The following CDH23 variants were observed in gnomAD, a reference collection of about 807,000 sequenced individuals.
CDH23 encodes cadherin-23.
CDH23 carries 189 observed loss-of-function variants against 317.1 expected under a neutral mutation model. That is an observed-to-expected ratio of 0.60 (90% CI 0.53 to 0.67). The LOEUF (loss-of-function observed/expected upper bound fraction) is 0.67, where lower values mean the gene tolerates loss of function less well. Among genes scored for constraint, CDH23 ranks in the 30% least tolerant of loss-of-function variants. The pLI, the probability that CDH23 is intolerant of heterozygous loss-of-function variation, is 0.00. For missense variants in CDH23, 4,401 were observed against 4,592.4 expected (o/e 0.96, Z 1.20); for synonymous variants, 1,839 against 1,876.8 (o/e 0.98, Z 0.52).
At chr10:71,731,279 A>G (rs1379596385) in intron 31 of CDH23, among the ~76,000 whole-genome samples, 2 of 152,202 alleles carry the variant, frequency 1.3e-5, no homozygotes, top group Non-Finnish European at 2.9e-5. Flanking sequence ...TGAGCTGCTC[A>G]TCCTTCATGT....
At chr10:71,759,875 A>ACG (rs1840265266) in intron 38 of CDH23, among the ~76,000 whole-genome samples, 1 of 67,976 alleles carries the variant, frequency 1.5e-5, no homozygotes, top group Non-Finnish European at 3.8e-5. Flanking sequence ...ATATATATAC[A>ACG]CACACACACA....
At chr10:71,480,248 C>T (rs1221548637) in intron 3 of CDH23, among the ~76,000 whole-genome samples, 2 of 152,216 alleles carry the variant, frequency 1.3e-5, no homozygotes, top group African/African-American at 2.4e-5. Flanking sequence ...CGGGCAGGAC[C>T]TGTGGTGTTC....
chr10:71,405,268 C>T (rs1026315058), intron 1 of CDH23, among the ~76,000 whole-genome samples: 1 of 152,098 alleles, frequency 6.6e-6, no homozygotes, highest in Non-Finnish European at 1.5e-5. Context: ...TCCGAACTGC[C>T]CCTGGCCCGG....
At chr10:71,417,071 T>A (rs183583280) in intron 1 of CDH23, among the ~76,000 whole-genome samples, 2 of 151,816 alleles carry the variant, frequency 1.3e-5, no homozygotes, top group Admixed American at 6.6e-5. Context: ...TTTCTTCTTT[T>A]CTTTTCTTTT....
chr10:71,730,474 T>C lies in CDH23; in HGVS notation c.3585T>C (p.Ile1195=), dbSNP rs749563585. The part of the protein sequence containing the change: ...LGPMRSSVRV[I]VYVEDINDEA... Reference sequence around the variant, plus strand: ...CCCTGGCCCGGCTCCCACAGGTGATTGTGTACGTGGAGGACATCAACGATG... The same window carrying C: ...CCCTGGCCCGGCTCCCACAGGTGATCGTGTACGTGGAGGACATCAACGATG... Residue 1195 remains isoleucine, a synonymous_variant, in exon 31 of 70, where the codon ATT becomes ATC. Coordinates refer to ENST00000224721, the MANE Select transcript of CDH23 (RefSeq NM_022124.6). 2 of 1,613,624 alleles carry C rather than the reference T, an allele frequency of 1.2e-6. No individual in the cohort carries two copies. The highest frequency in any genetic ancestry group is 2.2e-5 in the South Asian group (2 of 91,060).
chr10:71,785,711 C>T lies in CDH23; in HGVS notation c.5793C>T (p.Asn1931=), dbSNP rs2132940534. ...AGCTGACCATTTCTGTGAAGGACAA[C>T]CCGGAGAATCCACGCATAGCCAGGA... is the stretch of plus-strand genomic sequence containing the variant. ...EYKLTISVKD[N]PENPRIARRD... is the part of the protein sequence containing the mutation. The change falls in exon 44 of 70, where the codon AAC becomes AAT. Residue 1931 remains asparagine (N), a synonymous_variant. Transcript: ENST00000224721. The T allele has an allele frequency of 6.2e-7, 1 of 1,607,064 alleles. No individual in the cohort carries two copies. Among genetic ancestry groups the T allele is most frequent in the Non-Finnish European group, 8.5e-7 (1 of 1,176,694 alleles).
At chr10:71,753,781 G>A (rs1204293642) in intron 38 of CDH23, 2 of 456,324 alleles carry the variant, frequency 4.4e-6, no homozygotes, top group African/African-American at 4.0e-5. Flanking sequence ...AGATGGTGGG[G>A]GAGGGGCACA....
rs752874104 is a variant in CDH23, at chr10:71,798,485, G to A, written c.6961G>A (p.Val2321Met). 33 of 1,613,872 alleles carry A rather than the reference G, an allele frequency of 2.0e-5. No individual in the cohort carries two copies. Among genetic ancestry groups the A allele is most frequent in the Admixed American group, 8.3e-5 (5 of 60,004 alleles). ...GACCACACTCATTGCTGTGGCAGCC[G>A]TGGACCCTGACAAGGGCCTTAATGG... The part of the protein sequence containing the change: ...PGTTLIAVAA[V>M]DPDKGLNGLV... The change falls in exon 50 of 70, where the codon GTG becomes ATG. Residue 2321 changes from valine to methionine, a missense_variant. By Grantham distance (21) the Val-to-Met change is conservative (BLOSUM62 1). Coordinates refer to ENST00000224721, the MANE Select transcript of CDH23 (RefSeq NM_022124.6).
rs556222869 is a variant in CDH23 at position 71,510,945 on chromosome 10, T to C, written c.289-9T>C. The C allele has an allele frequency of 1.9e-6, 3 of 1,613,922 alleles. No homozygotes were observed. In the East Asian group the frequency reaches 6.7e-5, roughly 36 times the overall value. On this transcript the variant is annotated splice_polypyrimidine_tract_variant and intron_variant, in intron 4 of 69. Coordinates refer to ENST00000224721, the MANE Select transcript of CDH23 (RefSeq NM_022124.6). Reference sequence around the variant, plus strand: ...AACTGCCCCCCTCCCTCTCTCACTTTTCTTTCAGACCAAGTCAGAGTTCAC... The same window carrying C: ...AACTGCCCCCCTCCCTCTCTCACTTCTCTTTCAGACCAAGTCAGAGTTCAC...
intron 3 of CDH23, among the ~76,000 whole-genome samples, chr10:71,500,150 A>C (rs1853207617): frequency 6.6e-6 from 1 of 152,212 alleles, no homozygotes; most frequent in Admixed American, 6.5e-5. Flanking sequence ...AGAAATGATA[A>C]GTGTTTGAGG....
chr10:71,739,969 G>A (rs532061909), intron 36 of CDH23, among the ~76,000 whole-genome samples, 197 bp downstream of exon 36: 1 of 152,302 alleles, frequency 6.6e-6, no homozygotes, highest in East Asian at 1.9e-4. Flanking sequence ...GGGAAACCTG[G>A]GAGGGACCTT....
At chr10:71,694,690 G>A (rs1466877775) in intron 21 of CDH23, among the ~76,000 whole-genome samples, 1 of 152,110 alleles carries the variant, frequency 6.6e-6, no homozygotes, top group African/African-American at 2.4e-5. Context: ...GCCCCAGAGA[G>A]TAGAAAGCTA....
rs906153794 is a variant in CDH23, at chr10:71,793,091, G to A, written c.6254-91G>A. 1.7e-5 allele frequency: 16 copies of A among 949,186 alleles called. No homozygotes were observed. The African/African-American group carries it at 2.0e-4, about 12-fold the overall frequency. 58.8% of individuals were successfully genotyped at this position (949,186 alleles called of 1,614,324 possible). A position where few individuals can be genotyped will look rare whatever the true frequency, so the allele number is the denominator to read the frequency against. On this transcript the variant is annotated intron_variant, in intron 47 of 69. Coordinates refer to ENST00000224721, the MANE Select transcript of CDH23 (RefSeq NM_022124.6). ...TGCTGTCAAGGCTGTCATGAGAAGGGGACTTGAGAAGATCACCAACAAATG... is the reference window on the plus strand; with the variant it reads ...TGCTGTCAAGGCTGTCATGAGAAGGAGACTTGAGAAGATCACCAACAAATG...
chr10:71,485,294 G>A (rs1852288446), intron 3 of CDH23, among the ~76,000 whole-genome samples: 1 of 152,066 alleles, frequency 6.6e-6, no homozygotes, highest in Non-Finnish European at 1.5e-5. Flanking sequence ...CAAAGTGCTG[G>A]GATCACAGGA....
At chr10:71,790,732 A>G in intron 46 of CDH23, 3 of 465,700 alleles carry the variant, frequency 6.4e-6, no homozygotes, top group Non-Finnish European at 1.2e-5. Context: ...GTCCAGCAGA[A>G]GTAGCCAGAG....
At chr10:71,402,750 C>T (rs1278248442) in intron 1 of CDH23, among the ~76,000 whole-genome samples, 13 of 151,644 alleles carry the variant, frequency 8.6e-5, no homozygotes, top group African/African-American at 1.9e-4. Context: ...TGTGTGCACG[C>T]GCGCGCGCGC....
intron 11 of CDH23, among the ~76,000 whole-genome samples, chr10:71,640,554 C>A (rs757351855): frequency 1.2e-3 from 189 of 152,266 alleles, no homozygotes; most frequent in Non-Finnish European, 8.8e-4. Context: ...TCGAGACCAG[C>A]CTGACCACCA....
At chr10:71,811,027 C>G (rs560230180) in intron 62 of CDH23, among the ~76,000 whole-genome samples, 5 of 136,994 alleles carry the variant, frequency 3.6e-5, no homozygotes, top group Non-Finnish European at 6.0e-5. Context: ...TTGCAGTGGG[C>G]TGAGATCATG....
intron 3 of CDH23, 149 bp downstream of exon 3, chr10:71,446,544 C>T (rs1850180355): frequency 1.4e-6 from 1 of 738,014 alleles, no homozygotes; most frequent in Admixed American, 2.2e-5. Flanking sequence ...TAGGATGCCT[C>T]CAGGGACAGG....
Sources: gnomAD v4.1 joint callset for allele counts (sites outside exome capture counted in the v4.1 genomes callset) on GRCh38, gnomAD v4.1.1 for gene constraint, MANE v1.5 for transcripts, NCBI Gene and HGNC (gene_info 2026-07-23, HGNC 2026-07-21) for gene names.